PCSK5: variants seen among roughly 807,000 people sequenced by gnomAD.
The protein encoded by PCSK5 is proprotein convertase subtilisin/kexin type 5, also known as prohormone convertase 5.
In PCSK5, 129 loss-of-function variants were observed where a neutral mutation model predicts 233.2. The observed-to-expected ratio is 0.55, with a 90% CI of 0.48 to 0.64. The LOEUF is 0.64. Ranked by LOEUF, PCSK5 falls within the 30% of genes least tolerant of loss-of-function variation. PCSK5 has a pLI of 0.00. For missense variants in PCSK5, 2,076 were observed against 2,430.1 expected, an observed-to-expected ratio of 0.85 and a Z score of 3.06; for synonymous variants, 825 against 879.2, an observed-to-expected ratio of 0.94 and a Z score of 1.09.
chr9:76,234,694 GT>G (rs1313422817), intron 22 of PCSK5, among the ~76,000 whole-genome samples: 1 of 152,128 alleles, frequency 6.6e-6, no homozygotes. Context: ...TTCTTTAAGA[GT>G]TTTTATGAAA....
chr9:75,914,200 A>G (rs998200464), intron 1 of PCSK5, among the ~76,000 whole-genome samples: 3 of 152,200 alleles, frequency 2.0e-5, no homozygotes, highest in Non-Finnish European at 4.4e-5. Flanking sequence ...TCAACCAGAT[A>G]GATTTACTTG....
chr9:75,901,172 G>A (rs1281128386), intron 1 of PCSK5, among the ~76,000 whole-genome samples: 4 of 152,082 alleles, frequency 2.6e-5, no homozygotes, highest in African/African-American at 4.8e-5. Flanking sequence ...ACATGAACAC[G>A]TATGTTTATT....
At chr9:76,221,290 G>C (rs181703811) in intron 20 of PCSK5, among the ~76,000 whole-genome samples, 52 of 152,308 alleles carry the variant, frequency 3.4e-4, no homozygotes, top group African/African-American at 1.2e-3. Context: ...ACCTCATCAA[G>C]TAGTTGAGAT....
At chr9:76,021,872 T>C (rs1828207495) in intron 3 of PCSK5, among the ~76,000 whole-genome samples, 1 of 152,206 alleles carries the variant, frequency 6.6e-6, no homozygotes, top group Non-Finnish European at 1.5e-5. Flanking sequence ...CCTCCGCTTC[T>C]AACTTTCTGC....
intron 2 of PCSK5, 115 bp downstream of exon 2, chr9:75,932,598 T>C (rs750395031): frequency 1.0e-5 from 7 of 686,096 alleles, no homozygotes; most frequent in South Asian, 1.8e-5. Context: ...AGAACTGTCA[T>C]ATTATCCTTT....
In PCSK5 at chr9:76,359,101, C is replaced by A; in HGVS notation, c.*179C>A. On this transcript the variant is annotated 3_prime_UTR_variant, in exon 38 of 38. Coordinates refer to ENST00000674117, the MANE Select transcript of PCSK5 (RefSeq NM_001372043.1). ...AATACTTTGTTCTTCTTTTGAGTGGCTAAACTCAATTAACAGTTCCTGTTC... is the reference window on the plus strand; with the variant it reads ...AATACTTTGTTCTTCTTTTGAGTGGATAAACTCAATTAACAGTTCCTGTTC... 1.7e-6 allele frequency: 1 copy of A among 590,678 alleles called. No homozygotes were observed. The highest frequency in any genetic ancestry group is 3.0e-6 in the Non-Finnish European group (1 of 334,306). 36.6% of individuals were successfully genotyped at this position (590,678 alleles called of 1,614,324 possible).
chr9:75,897,477 T>A (rs978899284), intron 1 of PCSK5, among the ~76,000 whole-genome samples: 7 of 133,638 alleles, frequency 5.2e-5, no homozygotes, highest in Non-Finnish European at 9.3e-5. Context: ...GTTGCAAGAT[T>A]TTCTTTCTTT....
chr9:75,913,618 T>C (rs899749041), intron 1 of PCSK5, among the ~76,000 whole-genome samples: 2 of 152,208 alleles, frequency 1.3e-5, no homozygotes, highest in Admixed American at 1.3e-4. Flanking sequence ...GTGCCCTGGC[T>C]GGATTGGAAT....
intron 2 of PCSK5, among the ~76,000 whole-genome samples, chr9:75,940,896 G>T (rs1564096975): frequency 6.6e-6 from 1 of 152,230 alleles, no homozygotes; most frequent in Non-Finnish European, 1.5e-5. Flanking sequence ...GATCTACTAG[G>T]TGAACTTTGG....
chr9:76,176,805 T>G (rs1261988452), intron 14 of PCSK5, among the ~76,000 whole-genome samples: 1 of 152,206 alleles, frequency 6.6e-6, no homozygotes, highest in African/African-American at 2.4e-5. Context: ...CTCATTAATT[T>G]ATATAGTTTA....
At chr9:76,257,255 A>G (rs1363829736) in intron 24 of PCSK5, among the ~76,000 whole-genome samples, 1 of 152,158 alleles carries the variant, frequency 6.6e-6, no homozygotes, top group African/African-American at 2.4e-5. Flanking sequence ...CCAAACTGCT[A>G]TTTCATAGAT....
At chr9:76,283,519 A>G (rs1320958517) in intron 24 of PCSK5, among the ~76,000 whole-genome samples, 2 of 152,246 alleles carry the variant, frequency 1.3e-5, no homozygotes, top group Non-Finnish European at 2.9e-5. Flanking sequence ...TTGCTTACTT[A>G]ATAGACTACA....
At chr9:76,045,099 C>G (rs1351784225) in intron 5 of PCSK5, among the ~76,000 whole-genome samples, 2 of 152,116 alleles carry the variant, frequency 1.3e-5, no homozygotes, top group Non-Finnish European at 2.9e-5. Context: ...GATTTCTTGG[C>G]TTTGGAATTT....
intron 24 of PCSK5, among the ~76,000 whole-genome samples, chr9:76,289,299 C>G (rs1218405657): frequency 6.6e-6 from 1 of 152,082 alleles, no homozygotes; most frequent in African/African-American, 2.4e-5. Context: ...GTGAGGCTCT[C>G]TCTGAATTCT....
intron 24 of PCSK5, among the ~76,000 whole-genome samples, chr9:76,282,365 T>C (rs567502372): frequency 1.3e-5 from 2 of 148,858 alleles, no homozygotes; most frequent in Non-Finnish European, 3.0e-5. Context: ...TTTTTTTTTT[T>C]CGAGACAGGG....
intron 35 of PCSK5, among the ~76,000 whole-genome samples, chr9:76,344,044 C>T (rs535227207): frequency 1.3e-5 from 2 of 152,208 alleles, no homozygotes; most frequent in South Asian, 4.1e-4. Flanking sequence ...AGATGTTTTA[C>T]ATGTGTTGTA....
chr9:76,093,294 C>G (rs1355108772), intron 7 of PCSK5, among the ~76,000 whole-genome samples: 1 of 151,588 alleles, frequency 6.6e-6, no homozygotes, highest in African/African-American at 2.4e-5. Flanking sequence ...GTGGTCTCAC[C>G]CTATTGCCCA....
At chr9:76,249,140 G>A (rs1448839774) in intron 24 of PCSK5, among the ~76,000 whole-genome samples, 1 of 152,194 alleles carries the variant, frequency 6.6e-6, no homozygotes, top group Non-Finnish European at 1.5e-5. Context: ...TGAAACACTT[G>A]TCGATGTTTC....
chr9:76,107,706 G>A (rs1348439170), intron 9 of PCSK5, among the ~76,000 whole-genome samples: 2 of 152,170 alleles, frequency 1.3e-5, no homozygotes, highest in African/African-American at 4.8e-5. Context: ...TTTCTGGTCT[G>A]TTTCTCTGAA....
Sources: gnomAD v4.1 joint callset for allele counts (sites outside exome capture counted in the v4.1 genomes callset) on GRCh38, gnomAD v4.1.1 for gene constraint, MANE v1.5 for transcripts, NCBI Gene and HGNC (gene_info 2026-07-23, HGNC 2026-07-21) for gene names.